The following PRAME variants were observed in gnomAD, a reference collection of about 807,000 sequenced individuals.
The protein encoded by PRAME is melanoma antigen preferentially expressed in tumors.
Under a neutral mutation model 32.1 loss-of-function variants are expected in PRAME, and 21 were observed. The ratio of observed to expected loss-of-function variants is 0.65; its 90% CI spans 0.46 to 0.94. PRAME has a LOEUF of 0.94. Ranked by LOEUF, PRAME falls within the 40% of genes least tolerant of loss-of-function variation. The probability of loss-of-function intolerance (pLI) is 0.00; values close to 1 mark genes in which losing one functional copy is unlikely to be tolerated. For synonymous variants in PRAME, 274 were observed against 251.5 expected, an observed-to-expected ratio of 1.09 and a Z score of -0.85; for missense variants, 651 against 622.3, an observed-to-expected ratio of 1.05 and a Z score of -0.49.
At chr22:22,549,272 A>T (rs2062423492) in intron 5 of PRAME, among the ~76,000 whole-genome samples, 1 of 151,934 alleles carries the variant, frequency 6.6e-6, no homozygotes, top group Non-Finnish European at 1.5e-5. Context: ...TGGAATTCTA[A>T]ATCACCCTTT....
chr22:22,553,876 AAGC>A (rs971279584), intron 3 of PRAME: 77 of 985,054 alleles, frequency 7.8e-5, no homozygotes, highest in Non-Finnish European at 8.7e-5. Context: ...GGCTGTTCAC[AAGC>A]AGCAGGTCAG....
chr22:22,555,961 G>A (rs763714577), intron 3 of PRAME: 15 of 459,522 alleles, frequency 3.3e-5, no homozygotes, highest in South Asian at 2.0e-4. Context: ...ATGTAATCGT[G>A]GCTTTGGCAA....
At chr22:22,552,271 C>T (rs1264224937) in intron 3 of PRAME, among the ~76,000 whole-genome samples, 1 of 149,800 alleles carries the variant, frequency 6.7e-6, no homozygotes, top group African/African-American at 2.5e-5. Context: ...TATTTTTTAA[C>T]CTTGTAGTTA....
rs2062956992 is a variant in PRAME at position 22,556,825 on chromosome 22, C to CG, written c.7dup (p.Arg3ProfsTer36). 1.9e-6 allele frequency: 3 copies of CG among 1,612,806 alleles called. No homozygotes were observed. The highest frequency in any genetic ancestry group is 2.5e-6 in the Non-Finnish European group (3 of 1,179,910). On this transcript the variant is annotated frameshift_variant, in exon 3 of 6. Transcript: ENST00000405655. LOFTEE classifies it high-confidence loss of function. Reference sequence around the variant, plus strand: ...GGACCTTCTTACCCACAAACGCCTTCGTTCCATTTTGAAGCGACTTAGGCT... The same window carrying CG: ...GGACCTTCTTACCCACAAACGCCTTCGGTTCCATTTTGAAGCGACTTAGGCT...
intron 1 of PRAME, among the ~76,000 whole-genome samples, chr22:22,558,672 AGAGGCAGTGGG>A (rs1386047694): frequency 3.5e-4 from 21 of 60,076 alleles, no homozygotes; most frequent in Non-Finnish European, 5.7e-4. Flanking sequence ...GGGCGAATGG[AGAGGCAGTGGG>A]GAGGCGGGGG....
At chr22:22,548,709 GC>G in intron 5 of PRAME, 66 bp from the exon 6 acceptor site, 1 of 1,399,284 alleles carries the variant, frequency 7.1e-7, no homozygotes, top group Non-Finnish European at 9.7e-7. Flanking sequence ...CTGGAGAGAG[GC>G]CCATTTCACC....
At chr22:22,555,539 C>G (rs1378175704) in intron 3 of PRAME, among the ~76,000 whole-genome samples, 1 of 151,564 alleles carries the variant, frequency 6.6e-6, no homozygotes, top group Non-Finnish European at 1.5e-5. Flanking sequence ...TGCCCAGCCT[C>G]TTTTTCTTTT....
chr22:22,557,106 G>T (rs141081817), intron 2 of PRAME, 197 bp from the exon 3 acceptor site: 2 of 540,596 alleles, frequency 3.7e-6, no homozygotes, highest in Non-Finnish European at 6.6e-6. Flanking sequence ...GGGGCAGGAG[G>T]AACAACAGAC....
At chr22:22,555,455 C>A (rs912093784) in intron 3 of PRAME, among the ~76,000 whole-genome samples, 1 of 151,912 alleles carries the variant, frequency 6.6e-6, no homozygotes, top group Non-Finnish European at 1.5e-5. Flanking sequence ...CCAGGCTGGT[C>A]TCAAACTCCT....
At chr22:22,551,589 C>G (rs1023108146) in intron 3 of PRAME, among the ~76,000 whole-genome samples, 2 of 151,372 alleles carry the variant, frequency 1.3e-5, no homozygotes, top group African/African-American at 4.9e-5. Context: ...AAATGAGAAA[C>G]TACAGAAGCA....
intron 4 of PRAME, 66 bp from the exon 5 acceptor site, chr22:22,550,400 G>C: frequency 6.5e-7 from 1 of 1,545,964 alleles, no homozygotes; most frequent in African/African-American, 1.4e-5. Flanking sequence ...AAGACCATGA[G>C]TCTCATAATG....
Position 22,558,990 on chromosome 22 carries a change from T to G in PRAME, c.-133A>C, listed in dbSNP as rs2063171424. ...ACTTACTCTCTGGAGCGCGCGTTCC[T>G]CCCTGCTCCCGGGAGTCGGTTTCCC... On this transcript the variant is annotated 5_prime_UTR_variant, in exon 1 of 6. Coordinates refer to ENST00000405655, the MANE Select transcript of PRAME (RefSeq NM_206956.3). 6.2e-6 allele frequency: 1 copy of G among 161,082 alleles called. No individual in the cohort carries two copies. The highest frequency in any genetic ancestry group is 2.4e-5 in the African/African-American group (1 of 41,314). The allele number at this position is 161,082 out of a possible 1,614,324, so 10.0% of individuals were successfully genotyped here. A position where few individuals can be genotyped will look rare whatever the true frequency, so the allele number is the denominator to read the frequency against.
Position 22,549,949 on chromosome 22 carries a change from A to G in PRAME, c.730T>C (p.Trp244Arg). The change falls in exon 5 of 6, where the codon TGG becomes CGG. Residue 244 changes from tryptophan (W) to arginine (R), a missense_variant. Coordinates refer to ENST00000405655, the MANE Select transcript of PRAME (RefSeq NM_206956.3). ...AATTTCGCCAAGGTGGGTAGCTTCC[A>G]GGTACAAGTCACTTCCAAATCTTCA... ...SIEDLEVTCT[W>R]KLPTLAKFSP... The G allele has an allele frequency of 6.2e-7, 1 of 1,613,882 alleles. No homozygotes were observed. The highest frequency in any genetic ancestry group is 8.5e-7 in the Non-Finnish European group (1 of 1,179,978).
At chr22:22,554,326 G>T in intron 3 of PRAME, 1 of 824,516 alleles carries the variant, frequency 1.2e-6, no homozygotes, top group Non-Finnish European at 1.5e-6. Flanking sequence ...TGTGGCCTGC[G>T]TAAGGAGGCT....
intron 3 of PRAME, among the ~76,000 whole-genome samples, chr22:22,554,747 C>T (rs1204427586): frequency 6.6e-6 from 1 of 151,924 alleles, no homozygotes; most frequent in Non-Finnish European, 1.5e-5. Flanking sequence ...AGTTTCATTT[C>T]CCTCCCTATC....
chr22:22,556,396 C>G (rs372061847), intron 3 of PRAME, among the ~76,000 whole-genome samples: 1 of 151,720 alleles, frequency 6.6e-6, no homozygotes, highest in Admixed American at 6.6e-5. Context: ...CTGCAACCTT[C>G]GCCTCCTGGG....
chr22:22,556,663 G>A (rs978431259), intron 3 of PRAME, 149 bp downstream of exon 3: 3 of 998,928 alleles, frequency 3.0e-6, no homozygotes, highest in African/African-American at 3.3e-5. Context: ...GCTCTTTTGT[G>A]GAAATGACCA....
chr22:22,550,850 C>T lies in PRAME; in HGVS notation c.261G>A (p.Met87Ile), dbSNP rs2062523964. The T allele has an allele frequency of 1.2e-6, 2 of 1,613,588 alleles. No individual in the cohort carries two copies. The highest frequency in any genetic ancestry group is 1.7e-6 in the Non-Finnish European group (2 of 1,179,742). Residue 87 changes from methionine to isoleucine, a missense_variant, in exon 4 of 6, where the codon ATG (methionine) becomes ATA (isoleucine). Coordinates refer to ENST00000405655, the MANE Select transcript of PRAME (RefSeq NM_206956.3). The stretch of plus-strand genomic sequence containing the variant: ...TCTCCAGGTGAAGATGTTGTCCCTT[C>T]ATCAGCACTCCCAGAGGGAGGCAGG... ...PFTCLPLGVLMKGQHLHLETF... is the reference protein window; with the variant it reads ...PFTCLPLGVLIKGQHLHLETF...
At chr22:22,556,254 C>T (rs1280785504) in intron 3 of PRAME, among the ~76,000 whole-genome samples, 1 of 151,932 alleles carries the variant, frequency 6.6e-6, no homozygotes, top group Non-Finnish European at 1.5e-5. Context: ...CTGCCCACCT[C>T]GGCCTCCCAT....
Sources: gnomAD v4.1 joint callset for allele counts (sites outside exome capture counted in the v4.1 genomes callset) on GRCh38, gnomAD v4.1.1 for gene constraint, MANE v1.5 for transcripts, NCBI Gene and HGNC (gene_info 2026-07-23, HGNC 2026-07-21) for gene names.